The following TBC1D4 variants were observed in gnomAD, a reference collection of about 807,000 sequenced individuals.
TBC1D4 encodes the protein TBC (Tre-2, BUB2, CDC16) domain-containing protein.
A neutral mutation model predicts 142.5 loss-of-function variants in TBC1D4; 121 were observed. The observed-to-expected ratio is 0.85, with a 90% CI of 0.73 to 0.99. The LOEUF is 0.99. Ranked by LOEUF, TBC1D4 falls within the 50% of genes least tolerant of loss-of-function variation. The pLI, the probability that TBC1D4 is intolerant of heterozygous loss-of-function variation, is 0.00. For missense variants in TBC1D4, 1,475 were observed against 1,606.6 expected (o/e 0.92, Z 1.40); for synonymous variants, 630 against 628.2 (o/e 1.00, Z -0.04).
chr13:75,302,280 C>A lies in TBC1D4; in HGVS notation c.2874G>T (p.Gln958His). 1 of 1,614,202 alleles carries A rather than the reference C, an allele frequency of 6.2e-7. No individual in the cohort carries two copies. The highest frequency in any genetic ancestry group is 8.5e-7 in the Non-Finnish European group (1 of 1,180,040). Residue 958 changes from glutamine to histidine, a missense_variant, in exon 16 of 21, where the codon CAG (glutamine) becomes CAT (histidine). Transcript: ENST00000377636. Reference protein sequence around the residue: ...PDISYKELLKQLTAQQHAILV... With the variant: ...PDISYKELLKHLTAQQHAILV... ...GAATCGCATGCTGCTGAGCAGTGAG[C>A]TGCTTCAAAAGTTCCTTATAGGATA...
intron 1 of TBC1D4, among the ~76,000 whole-genome samples, chr13:75,457,624 C>A (rs146196238): frequency 6.6e-6 from 1 of 152,290 alleles, no homozygotes; most frequent in East Asian, 1.9e-4. Flanking sequence ...TAATCCTTGA[C>A]CTACAAGAAG....
chr13:75,340,325 C>G (rs971146416), intron 7 of TBC1D4, among the ~76,000 whole-genome samples: 1 of 152,134 alleles, frequency 6.6e-6, no homozygotes, highest in Non-Finnish European at 1.5e-5. Context: ...TTTGATGTTA[C>G]GGCTGGTGGT....
chr13:75,318,010 G>A (rs938860951), intron 12 of TBC1D4, among the ~76,000 whole-genome samples: 3 of 152,178 alleles, frequency 2.0e-5, no homozygotes, highest in Non-Finnish European at 4.4e-5. Context: ...CCTTGAACAA[G>A]CAGTTATAGT....
At position 75,370,692 on chromosome 13, in the gene TBC1D4, C is replaced by T. The variant is rs377399807; in HGVS notation, c.499-8085G>A. 1.4e-3 allele frequency among the ~76,000 whole-genome samples: 212 copies of T among 152,142 alleles called. 5 individuals are homozygous for T. The South Asian group carries it at 0.02, about 14-fold the overall frequency. The stretch of plus-strand genomic sequence containing the variant: ...TGATGGCTTAAGAGATCAGGAGCCG[C>T]GTTTTGGACACATTAATTTTGAGAA... On this transcript the variant is annotated intron_variant, in intron 1 of 20. Transcript: ENST00000377636.
At chr13:75,454,760 C>G (rs140821138) in intron 1 of TBC1D4, among the ~76,000 whole-genome samples, 2 of 152,284 alleles carry the variant, frequency 1.3e-5, no homozygotes, top group Admixed American at 1.3e-4. Flanking sequence ...CTAACAAGAA[C>G]ACACAAATCC....
chr13:75,341,269 C>T (rs1279609258), intron 6 of TBC1D4, 34 bp from the exon 7 acceptor site: 4 of 1,555,768 alleles, frequency 2.6e-6, no homozygotes, highest in South Asian at 1.1e-5. Context: ...AACACTATGG[C>T]AACACCACTT....
At chr13:75,294,442 T>C (rs560375211) in intron 18 of TBC1D4, among the ~76,000 whole-genome samples, 2 of 152,290 alleles carry the variant, frequency 1.3e-5, no homozygotes, top group East Asian at 1.9e-4. Flanking sequence ...AGAAACAACA[T>C]TGATACAGTT....
chr13:75,314,632 G>C (rs1258310740), intron 12 of TBC1D4, among the ~76,000 whole-genome samples: 2 of 152,030 alleles, frequency 1.3e-5, no homozygotes, highest in East Asian at 3.9e-4. Context: ...ATGCATCCTG[G>C]ATAACACTAT....
chr13:75,391,952 C>T (rs1159034371), intron 1 of TBC1D4, among the ~76,000 whole-genome samples: 6 of 152,182 alleles, frequency 3.9e-5, no homozygotes, highest in Non-Finnish European at 8.8e-5. Context: ...GAAACCCTCT[C>T]TCTCGCTTTC....
intron 1 of TBC1D4, among the ~76,000 whole-genome samples, chr13:75,462,292 A>G (rs1888003493): frequency 6.6e-6 from 1 of 152,194 alleles, no homozygotes; most frequent in African/African-American, 2.4e-5. Context: ...CCAACGTTCT[A>G]AGCCTCACCC....
intron 1 of TBC1D4, among the ~76,000 whole-genome samples, chr13:75,457,826 G>A (rs1357378751): frequency 5.9e-5 from 9 of 152,252 alleles, no homozygotes; most frequent in East Asian, 1.9e-4. Context: ...TCAATGAAGC[G>A]AGCGTTCCCT....
At chr13:75,340,952 C>CA (rs1405408234) in intron 7 of TBC1D4, among the ~76,000 whole-genome samples, 173 bp downstream of exon 7, 14 of 149,352 alleles carry the variant, frequency 9.4e-5, no homozygotes, top group Non-Finnish European at 1.9e-4. Context: ...GTCTTAAAAA[C>CA]AAAAAACAAA....
chr13:75,324,125 C>T (rs1266815809), intron 11 of TBC1D4, 112 bp downstream of exon 11: 1 of 1,232,300 alleles, frequency 8.1e-7, no homozygotes, highest in African/African-American at 1.5e-5. Context: ...AGAACAAGCA[C>T]AACACAGGGA....
At chr13:75,314,812 CAAAAAAA>C (rs71201174) in intron 12 of TBC1D4, among the ~76,000 whole-genome samples, 1 of 120,130 alleles carries the variant, frequency 8.3e-6, no homozygotes, top group East Asian at 2.3e-4. Context: ...ACTAAAAATA[CAAAAAAA>C]AAAAAAAAAA....
At chr13:75,294,775 G>A in intron 18 of TBC1D4, 79 bp downstream of exon 18, 4 of 1,465,722 alleles carry the variant, frequency 2.7e-6, no homozygotes, top group Non-Finnish European at 3.8e-6. Flanking sequence ...AGAACAATAG[G>A]GGCATCATAT....
In TBC1D4 at chr13:75,481,797, G is replaced by T; in HGVS notation, c.-30C>A. On this transcript the variant is annotated 5_prime_UTR_variant, in exon 1 of 21. Coordinates refer to ENST00000377636, the MANE Select transcript of TBC1D4 (RefSeq NM_014832.5). ...CTCGCCTCACCAGGGCACCGCGGAGGCCGGCCGGGCGCACCGCGCCCCCCA... is the reference window on the plus strand; with the variant it reads ...CTCGCCTCACCAGGGCACCGCGGAGTCCGGCCGGGCGCACCGCGCCCCCCA... 6.8e-7 allele frequency: 1 copy of T among 1,474,924 alleles called. No homozygotes were observed. The highest frequency in any genetic ancestry group is 2.7e-5 in the Admixed American group (1 of 36,704). 91.4% of individuals were successfully genotyped at this position (1,474,924 alleles called of 1,614,324 possible).
chr13:75,452,248 A>C (rs1381556391), intron 1 of TBC1D4, among the ~76,000 whole-genome samples: 3 of 152,196 alleles, frequency 2.0e-5, no homozygotes, highest in Non-Finnish European at 4.4e-5. Context: ...AGAAATTGGA[A>C]ATTAGATTAG....
intron 2 of TBC1D4, among the ~76,000 whole-genome samples, chr13:75,361,066 A>C (rs1566424646): frequency 6.6e-6 from 1 of 152,160 alleles, no homozygotes; most frequent in Non-Finnish European, 1.5e-5. Context: ...TATTGTTAGG[A>C]ATTAAGTTAT....
In TBC1D4 at chr13:75,326,432, C is replaced by G. The variant is rs755215100; in HGVS notation, c.1807-9G>C. ...TCCCCTGGTGAGTAGTCCTGAAACA[C>G]AAGCGGAAGGGAGCCCTTTATTTCC... On this transcript the variant is annotated splice_polypyrimidine_tract_variant and intron_variant, in intron 9 of 20. Coordinates refer to ENST00000377636, the MANE Select transcript of TBC1D4 (RefSeq NM_014832.5). The G allele has an allele frequency of 4.1e-5, 66 of 1,613,944 alleles. No individual in the cohort carries two copies. Among genetic ancestry groups the G allele is most frequent in the Non-Finnish European group, 4.7e-5 (56 of 1,179,968 alleles).
Sources: allele counts gnomAD v4.1 joint callset (sites outside exome capture counted in the v4.1 genomes callset), GRCh38; gene constraint gnomAD v4.1.1; transcripts MANE v1.5; gene names NCBI Gene and HGNC (gene_info 2026-07-23, HGNC 2026-07-21).